The following CAB39 variants were observed in gnomAD, a reference collection of about 807,000 sequenced individuals.
The protein encoded by CAB39 is calcium binding protein 39, also known as calcium-binding protein 39.
In CAB39, 8 loss-of-function variants were observed where a neutral mutation model predicts 40.0. That is an observed-to-expected ratio of 0.20 (90% CI 0.12 to 0.36). CAB39 has a LOEUF of 0.36. Among genes scored for constraint, CAB39 ranks in the 10% least tolerant of loss-of-function variants. CAB39 has a pLI of 1.00. For synonymous variants in CAB39, 156 were observed against 141.6 expected (o/e 1.10, Z -0.72); for missense variants, 270 against 401.1 (o/e 0.67, Z 2.79).
At chr2:230,726,032 G>A (rs1694563949) in intron 1 of CAB39, among the ~76,000 whole-genome samples, 4 of 152,148 alleles carry the variant, frequency 2.6e-5, no homozygotes, top group Admixed American at 2.0e-4. Context: ...TAAGGATGGG[G>A]CAGGATAGGA....
At chr2:230,744,221 A>G (rs994728477) in intron 1 of CAB39, among the ~76,000 whole-genome samples, 5 of 148,202 alleles carry the variant, frequency 3.4e-5, no homozygotes, top group African/African-American at 1.2e-4. Flanking sequence ...GCCCAGCCCC[A>G]TGATACATTC....
intron 1 of CAB39, among the ~76,000 whole-genome samples, chr2:230,756,042 C>T (rs918021834): frequency 2.0e-5 from 3 of 152,270 alleles, no homozygotes; most frequent in African/African-American, 4.8e-5. Context: ...GCGTCCCCCC[C>T]GGGAGAAAGC....
At chr2:230,785,597 G>A (rs1164680198) in intron 2 of CAB39, among the ~76,000 whole-genome samples, 3 of 152,088 alleles carry the variant, frequency 2.0e-5, no homozygotes, top group African/African-American at 4.8e-5. Flanking sequence ...TGTAGGTGGC[G>A]GGTGCAGTAT....
intron 5 of CAB39, among the ~76,000 whole-genome samples, chr2:230,809,472 T>C (rs1229322118): frequency 6.6e-6 from 1 of 152,192 alleles, no homozygotes; most frequent in Non-Finnish European, 1.5e-5. Context: ...CTGTCACTTG[T>C]TCCCATTCTC....
intron 1 of CAB39, among the ~76,000 whole-genome samples, chr2:230,718,782 GC>G (rs1322814301): frequency 6.6e-6 from 1 of 152,126 alleles, no homozygotes; most frequent in African/African-American, 2.4e-5. Context: ...GAACACTGAG[GC>G]CCACCGTAAC....
chr2:230,749,779 T>C (rs1242699182), intron 1 of CAB39, among the ~76,000 whole-genome samples: 1 of 152,226 alleles, frequency 6.6e-6, no homozygotes, highest in Non-Finnish European at 1.5e-5. Flanking sequence ...ATGTAAATCT[T>C]AGAGAAGCAA....
At position 230,793,251 on chromosome 2, in the gene CAB39, C is replaced by T. The variant is rs765631287; in HGVS notation, c.318C>T (p.Leu106=). 8 of 1,612,412 alleles carry T rather than the reference C, an allele frequency of 5.0e-6. No individual in the cohort carries two copies. In the South Asian group the frequency reaches 8.8e-5, roughly 18 times the overall value. ...KDVAQIFNNI[L]RRQIGTRTPT... is the part of the protein sequence containing the mutation. ...TGGCTCAAATTTTCAACAATATTCTCAGAAGACAAATTGGTACGAGAACTC... is the reference window on the plus strand; with the variant it reads ...TGGCTCAAATTTTCAACAATATTCTTAGAAGACAAATTGGTACGAGAACTC... The change falls in exon 4 of 9, where the codon CTC becomes CTT. Residue 106 remains leucine, a synonymous_variant. Transcript: ENST00000258418.
At chr2:230,753,915 C>T (rs991965936) in intron 1 of CAB39, among the ~76,000 whole-genome samples, 2 of 152,066 alleles carry the variant, frequency 1.3e-5, no homozygotes, top group Non-Finnish European at 2.9e-5. Flanking sequence ...TTAAGAAAAA[C>T]TTAGAACATA....
At chr2:230,782,998 G>GTTTTTGTTTTTGTTTTT (rs908870014) in intron 2 of CAB39, among the ~76,000 whole-genome samples, 2 of 151,388 alleles carry the variant, frequency 1.3e-5, no homozygotes, top group Non-Finnish European at 2.9e-5. Flanking sequence ...TTTTGTTTTT[G>GTTTTTGTTTTTGTTTTT]TTTTTGTTTT....
intron 4 of CAB39, among the ~76,000 whole-genome samples, chr2:230,795,930 T>A (rs926492521): frequency 6.6e-6 from 1 of 152,134 alleles, no homozygotes; most frequent in African/African-American, 2.4e-5. Flanking sequence ...AAACTCACGT[T>A]TTTGTCTTTT....
intron 3 of CAB39, 136 bp downstream of exon 3, chr2:230,791,172 G>A: frequency 1.6e-6 from 1 of 634,066 alleles, no homozygotes; most frequent in African/African-American, 1.9e-5. Flanking sequence ...CAGCATGCCT[G>A]GGCTGCCTGC....
intron 1 of CAB39, among the ~76,000 whole-genome samples, chr2:230,722,740 TC>T (rs1301609407): frequency 6.6e-6 from 1 of 152,232 alleles, no homozygotes; most frequent in African/African-American, 2.4e-5. Context: ...TCAAATTCTT[TC>T]TGCTGTACTA....
In CAB39 at chr2:230,749,616, TAAG is replaced by T. The variant is rs1311373528; in HGVS notation, c.-43-10341_-43-10339del. 9.2e-5 allele frequency among the ~76,000 whole-genome samples: 14 copies of T among 152,296 alleles called. No individual in the cohort carries two copies. In the East Asian group the frequency reaches 2.7e-3, roughly 29 times the overall value. On this transcript the variant is annotated intron_variant, in intron 1 of 8. Coordinates refer to ENST00000258418, the MANE Select transcript of CAB39 (RefSeq NM_016289.4). ...AACTTATATTTAAAGTGTTTTCCCTTAAGAGGAGTTGTAGACATTTTTTCATAT... is the reference window on the plus strand; with the variant it reads ...AACTTATATTTAAAGTGTTTTCCCTTAGGAGTTGTAGACATTTTTTCATAT...
chr2:230,773,655 C>G (rs1434576150), intron 2 of CAB39, among the ~76,000 whole-genome samples: 1 of 152,066 alleles, frequency 6.6e-6, no homozygotes, highest in Non-Finnish European at 1.5e-5. Context: ...GTTGAATGAC[C>G]TCAAGATGTG....
Position 230,810,249 on chromosome 2 carries a change from T to C in CAB39, c.568-14T>C. 1 of 1,353,132 alleles carries C rather than the reference T, an allele frequency of 7.4e-7. No individual in the cohort carries two copies. Among genetic ancestry groups the C allele is most frequent in the Admixed American group, 2.3e-5 (1 of 44,332 alleles). 83.8% of individuals were successfully genotyped at this position (1,353,132 alleles called of 1,614,324 possible). Reference sequence around the variant, plus strand: ...TGGAGAACAACTGTAAACAATTTTTTTTTCTTTTTGTAGGATTTACTTACA... The same window carrying C: ...TGGAGAACAACTGTAAACAATTTTTCTTTCTTTTTGTAGGATTTACTTACA... On this transcript the variant is annotated splice_polypyrimidine_tract_variant and intron_variant, in intron 5 of 8. Transcript: ENST00000258418.
chr2:230,809,964 C>CT (rs1575963027), intron 5 of CAB39, among the ~76,000 whole-genome samples: 2 of 152,164 alleles, frequency 1.3e-5, no homozygotes, highest in Non-Finnish European at 2.9e-5. Flanking sequence ...GGAGTGTTAA[C>CT]TTTAATTTCA....
In CAB39 at chr2:230,791,054, T is replaced by C. The variant is rs1256415198; in HGVS notation, c.279+18T>C. The C allele has an allele frequency of 6.4e-7, 1 of 1,555,588 alleles. No homozygotes were observed. Among genetic ancestry groups the C allele is most frequent in the Middle Eastern group, 1.7e-4 (1 of 5,808 alleles). ...ACTTTGAGGTAAGAAATCAATTTCT[T>C]ATTTTTAAAAAACAGTACCCTGTGC... On this transcript the variant is annotated intron_variant, in intron 3 of 8. Coordinates refer to ENST00000258418, the MANE Select transcript of CAB39 (RefSeq NM_016289.4).
chr2:230,795,737 CTGTTA>C (rs1230947300), intron 4 of CAB39, among the ~76,000 whole-genome samples: 3 of 152,138 alleles, frequency 2.0e-5, no homozygotes, highest in Non-Finnish European at 2.9e-5. Flanking sequence ...TTTCCTGATT[CTGTTA>C]TTTCTTCTTC....
chr2:230,735,368 T>A (rs989862506), intron 1 of CAB39, among the ~76,000 whole-genome samples: 13 of 152,180 alleles, frequency 8.5e-5, no homozygotes, highest in Non-Finnish European at 1.5e-4. Context: ...GGTTTCACCA[T>A]GTTGGCCAGG....
Sources: allele counts gnomAD v4.1 joint callset (sites outside exome capture counted in the v4.1 genomes callset), GRCh38; gene constraint gnomAD v4.1.1; transcripts MANE v1.5; gene names NCBI Gene and HGNC (gene_info 2026-07-23, HGNC 2026-07-21).